Variants in ZNF385D observed in about 807,000 individuals in gnomAD.
ZNF385D encodes zinc finger protein 385D.
Under a neutral mutation model 35.8 loss-of-function variants are expected in ZNF385D, and 15 were observed. That is an observed-to-expected ratio of 0.42 (90% CI 0.28 to 0.64). ZNF385D has a LOEUF of 0.64. ZNF385D is among the 30% of genes least tolerant of loss of function. ZNF385D has a pLI of 0.23. For missense variants in ZNF385D, 474 were observed against 494.6 expected (o/e 0.96, Z 0.39); for synonymous variants, 212 against 186.8 (o/e 1.13, Z -1.10).
chr3:21,891,283 G>C (rs899641939), intron 3 of ZNF385D, among the ~76,000 whole-genome samples: 4 of 152,046 alleles, frequency 2.6e-5, no homozygotes, highest in Non-Finnish European at 4.4e-5. Flanking sequence ...TGGATAGAAT[G>C]AACAAGGAGC....
intron 4 of ZNF385D, among the ~76,000 whole-genome samples, chr3:21,457,973 T>C (rs1038762907): frequency 2.6e-5 from 4 of 152,122 alleles, no homozygotes; most frequent in African/African-American, 9.7e-5. Context: ...ATTATTCTGC[T>C]AGGTCAGAAA....
At chr3:22,162,624 C>T (rs1332189611) in intron 3 of ZNF385D, among the ~76,000 whole-genome samples, 3 of 152,104 alleles carry the variant, frequency 2.0e-5, no homozygotes, top group Non-Finnish European at 4.4e-5. Flanking sequence ...TGGGACTCCA[C>T]CCCCCTTGCA....
intron 2 of ZNF385D, among the ~76,000 whole-genome samples, chr3:22,344,393 T>A (rs1428112311): frequency 2.0e-5 from 3 of 151,992 alleles, no homozygotes; most frequent in African/African-American, 7.3e-5. Flanking sequence ...TTGTTGCTGT[T>A]GTTTTAGTTT....
intron 3 of ZNF385D, among the ~76,000 whole-genome samples, chr3:22,144,752 G>A (rs1209032134): frequency 6.6e-6 from 1 of 151,868 alleles, no homozygotes; most frequent in Non-Finnish European, 1.5e-5. Flanking sequence ...AAATAAGCAA[G>A]TTCATATTCA....
intron 3 of ZNF385D, among the ~76,000 whole-genome samples, chr3:21,516,897 G>C (rs969555495): frequency 1.3e-5 from 2 of 151,698 alleles, no homozygotes; most frequent in East Asian, 1.9e-4. Context: ...ATGGTTATTA[G>C]AGATGTCACC....
At chr3:21,964,209 T>C (rs1044986673) in intron 3 of ZNF385D, among the ~76,000 whole-genome samples, 2 of 151,856 alleles carry the variant, frequency 1.3e-5, no homozygotes, top group African/African-American at 2.4e-5. Context: ...GTTTAAACTA[T>C]TTCAGATATG....
At chr3:21,760,064 G>A (rs1332412897) in intron 3 of ZNF385D, among the ~76,000 whole-genome samples, 2 of 152,110 alleles carry the variant, frequency 1.3e-5, no homozygotes, top group East Asian at 3.9e-4. Context: ...AGTGTGTAAT[G>A]GGAAAACAAA....
chr3:21,715,562 G>C (rs1242462210), intron 1 of ZNF385D, among the ~76,000 whole-genome samples: 1 of 151,998 alleles, frequency 6.6e-6, no homozygotes, highest in Non-Finnish European at 1.5e-5. Context: ...AGAAACATAT[G>C]AGTTCACATG....
Position 22,036,909 on chromosome 3 carries a change from G to T in ZNF385D, c.325+131908C>A, listed in dbSNP as rs371313696. Among the ~76,000 whole-genome samples, 52 of 125,152 alleles carry T rather than the reference G, an allele frequency of 4.2e-4. 1 individual carries two copies. The East Asian group carries it at 0.012, about 29-fold the overall frequency. 82.1% of individuals were successfully genotyped at this position (125,152 alleles called of 152,430 possible). On this transcript the variant is annotated intron_variant, in intron 3 of 5. Coordinates refer to the ZNF385D transcript ENST00000494108. ...CCCAGTGTGTGATGTTCCCCTTCCCGTGTCCATGTGTTCTCATTGTTCAAT... is the reference window on the plus strand; with the variant it reads ...CCCAGTGTGTGATGTTCCCCTTCCCTTGTCCATGTGTTCTCATTGTTCAAT...
At chr3:21,897,497 C>CT (rs1699197553) in intron 3 of ZNF385D, among the ~76,000 whole-genome samples, 1 of 152,104 alleles carries the variant, frequency 6.6e-6, no homozygotes, top group Non-Finnish European at 1.5e-5. Flanking sequence ...CTAAATTCTC[C>CT]TTTTTTCTAC....
At chr3:22,125,053 C>A (rs972964272) in intron 3 of ZNF385D, among the ~76,000 whole-genome samples, 1 of 152,076 alleles carries the variant, frequency 6.6e-6, no homozygotes, top group Non-Finnish European at 1.5e-5. Context: ...AGTTTGAGAT[C>A]TTAGATTTAA....
intron 3 of ZNF385D, among the ~76,000 whole-genome samples, chr3:21,889,881 T>C (rs941960774): frequency 6.6e-6 from 1 of 152,122 alleles, no homozygotes; most frequent in East Asian, 1.9e-4. Context: ...GCCTTTTCCT[T>C]AGCTTCTAAT....
intron 3 of ZNF385D, among the ~76,000 whole-genome samples, chr3:22,125,270 G>T (rs1474394829): frequency 6.6e-6 from 1 of 151,998 alleles, no homozygotes; most frequent in Non-Finnish European, 1.5e-5. Context: ...TTTCACTAGT[G>T]TATGCATCTG....
chr3:22,228,993 A>G (rs1698727255), intron 2 of ZNF385D, among the ~76,000 whole-genome samples: 1 of 152,208 alleles, frequency 6.6e-6, no homozygotes, highest in South Asian at 2.1e-4. Flanking sequence ...TTGAAGTTTT[A>G]GGACTTGGAC....
chr3:21,580,845 GATTTATGTAACCAT>G, intron 2 of ZNF385D, among the ~76,000 whole-genome samples: 1 of 152,010 alleles, frequency 6.6e-6, no homozygotes, highest in East Asian at 1.9e-4. Flanking sequence ...TTTCTGTGCT[GATTTATGTAACCAT>G]ATTTACCCAC....
intron 2 of ZNF385D, among the ~76,000 whole-genome samples, chr3:22,319,787 C>T (rs2125442845): frequency 6.6e-6 from 1 of 152,262 alleles, no homozygotes; most frequent in East Asian, 1.9e-4. Flanking sequence ...GCTGATATTG[C>T]ACACAACTTT....
At chr3:21,885,950 A>G (rs1000384312) in intron 3 of ZNF385D, among the ~76,000 whole-genome samples, 2 of 152,086 alleles carry the variant, frequency 1.3e-5, no homozygotes, top group African/African-American at 4.8e-5. Flanking sequence ...AGGTCCACCC[A>G]TATGTGAAGA....
intron 2 of ZNF385D, among the ~76,000 whole-genome samples, chr3:22,333,569 CAG>C (rs1311800650): frequency 2.6e-5 from 4 of 152,078 alleles, no homozygotes; most frequent in Non-Finnish European, 5.9e-5. Flanking sequence ...TTACCCCATC[CAG>C]AGAGTTTTCA....
intron 3 of ZNF385D, among the ~76,000 whole-genome samples, chr3:22,010,046 A>G (rs959810028): frequency 1.3e-5 from 2 of 152,162 alleles, no homozygotes; most frequent in Non-Finnish European, 2.9e-5. Flanking sequence ...TGTTATCAAA[A>G]TCCCACAATT....
Sources: allele counts gnomAD v4.1 joint callset (sites outside exome capture counted in the v4.1 genomes callset), GRCh38; gene constraint gnomAD v4.1.1; transcripts MANE v1.5; gene names NCBI Gene and HGNC (gene_info 2026-07-23, HGNC 2026-07-21).